Variants in RANBP3L observed in about 807,000 individuals in gnomAD.
RANBP3L encodes RAN binding protein 3 like, also known as ran-binding protein 3-like.
RANBP3L carries 56 observed loss-of-function variants against 67.2 expected under a neutral mutation model. The ratio of observed to expected loss-of-function variants is 0.83; its 90% CI spans 0.67 to 1.04. RANBP3L has a LOEUF of 1.04. RANBP3L is among the 50% of genes least tolerant of loss of function. The pLI is 0.00. For synonymous variants in RANBP3L, 164 were observed against 181.4 expected, an observed-to-expected ratio of 0.90 and a Z score of 0.77; for missense variants, 496 against 535.5, an observed-to-expected ratio of 0.93 and a Z score of 0.73.
chr5:36,274,887 CT>C (rs915667374), intron 1 of RANBP3L, among the ~76,000 whole-genome samples: 12 of 150,562 alleles, frequency 8.0e-5, no homozygotes, highest in East Asian at 3.9e-4. Context: ...GCATCCATGA[CT>C]TTTTTTTTAG....
chr5:36,249,963 T>G (rs1326971484), intron 13 of RANBP3L, among the ~76,000 whole-genome samples: 1 of 151,978 alleles, frequency 6.6e-6, no homozygotes, highest in Non-Finnish European at 1.5e-5. Flanking sequence ...TTTTACTGCC[T>G]CCTGGAGAAG....
At chr5:36,249,782 T>G (rs940125619) in intron 13 of RANBP3L, 85 bp from the exon 14 acceptor site, 1 of 594,706 alleles carries the variant, frequency 1.7e-6, no homozygotes, top group Admixed American at 2.8e-5. Context: ...AACATGAATA[T>G]TAATGAATAT....
chr5:36,297,301 G>A (rs1752289696), intron 1 of RANBP3L, among the ~76,000 whole-genome samples: 1 of 146,690 alleles, frequency 6.8e-6, no homozygotes, highest in African/African-American at 2.4e-5. Context: ...TTCATTTTGA[G>A]TAGGCTGAGG....
Position 36,251,422 on chromosome 5 carries a change from C to T in RANBP3L, c.1245G>A (p.Gln415=). 6.2e-7 allele frequency: 1 copy of T among 1,613,248 alleles called. No homozygotes were observed. The highest frequency in any genetic ancestry group is 8.5e-7 in the Non-Finnish European group (1 of 1,179,440). ...RLVALQSFNK[Q]RDVNQAESLS... ...GGCTTTCAGCTTGATTGACATCTCT[C>T]TGCTTATTGAAGCTTTGAAGTGCAA... The change falls in exon 13 of 14, where the codon CAG becomes CAA. Residue 415 remains glutamine, a synonymous_variant. Transcript: ENST00000296604.
At position 36,265,119 on chromosome 5, in the gene RANBP3L, G is replaced by A. The variant is rs1424622941; in HGVS notation, c.341-21C>T. On this transcript the variant is annotated intron_variant, in intron 5 of 13. Transcript: ENST00000296604. ...AGGACCTTAAAAGAATAGAATTAAA[G>A]GATAAATATATGTTTACTGAAATAT... is the stretch of plus-strand genomic sequence containing the variant. The A allele has an allele frequency of 2.1e-6, 3 of 1,457,442 alleles. No individual in the cohort carries two copies. In the African/African-American group the frequency reaches 4.3e-5, roughly 21 times the overall value. The allele number at this position is 1,457,442 out of a possible 1,614,324, so 90.3% of individuals were successfully genotyped here. A position where few individuals can be genotyped will look rare whatever the true frequency, so the allele number is the denominator to read the frequency against.
chr5:36,286,501 T>C (rs572919788), intron 1 of RANBP3L, among the ~76,000 whole-genome samples: 46 of 152,314 alleles, frequency 3.0e-4, no homozygotes, highest in African/African-American at 1.1e-3. Context: ...GTGTGATCTC[T>C]GCAACTGCAG....
intron 1 of RANBP3L, 120 bp downstream of exon 1, chr5:36,301,206 C>G: frequency 1.4e-6 from 1 of 725,948 alleles, no homozygotes; most frequent in Non-Finnish European, 2.5e-6. Context: ...GTTAACCCAC[C>G]CTTATGCATC....
chr5:36,273,167 G>C (rs1750342846), intron 1 of RANBP3L, among the ~76,000 whole-genome samples: 1 of 152,234 alleles, frequency 6.6e-6, no homozygotes. Context: ...TGAATGTGCA[G>C]TGGAATATTT....
At chr5:36,269,504 T>C (rs1238396747) in intron 3 of RANBP3L, 37 bp from the exon 4 acceptor site, 1 of 1,195,556 alleles carries the variant, frequency 8.4e-7, no homozygotes, top group African/African-American at 1.5e-5. Context: ...AAATTACTTG[T>C]GATAATAAAT....
chr5:36,249,642 A>C lies in RANBP3L; in HGVS notation c.*12T>G. ...CTCTTTTTGTAGATGTCATGTTTAT[A>C]GTAGGTAGTATTCATGAACAGGCAA... is the stretch of plus-strand genomic sequence containing the variant. On this transcript the variant is annotated 3_prime_UTR_variant, in exon 14 of 14. Transcript: ENST00000296604. 6.8e-7 allele frequency: 1 copy of C among 1,479,182 alleles called. No individual in the cohort carries two copies. The allele number at this position is 1,479,182 out of a possible 1,614,324, so 91.6% of individuals were successfully genotyped here. A position where few individuals can be genotyped will look rare whatever the true frequency, so the allele number is the denominator to read the frequency against.
intron 1 of RANBP3L, among the ~76,000 whole-genome samples, chr5:36,299,202 G>C (rs1482265320): frequency 6.6e-6 from 1 of 152,092 alleles, no homozygotes; most frequent in African/African-American, 2.4e-5. Flanking sequence ...GGCTCTCCTT[G>C]CTCCTCAGTT....
chr5:36,252,678 T>C (rs1579668363), intron 12 of RANBP3L, among the ~76,000 whole-genome samples: 1 of 152,204 alleles, frequency 6.6e-6, no homozygotes, highest in South Asian at 2.1e-4. Flanking sequence ...AATCTAGTCA[T>C]GTTTAACAGG....
At chr5:36,300,750 A>G (rs563130943) in intron 1 of RANBP3L, among the ~76,000 whole-genome samples, 30 of 152,176 alleles carry the variant, frequency 2.0e-4, no homozygotes, top group Non-Finnish European at 3.7e-4. Context: ...GAAAATTTAA[A>G]AAGACTGATG....
chr5:36,292,634 C>T (rs1477137398), intron 1 of RANBP3L, among the ~76,000 whole-genome samples: 1 of 151,966 alleles, frequency 6.6e-6, no homozygotes, highest in Non-Finnish European at 1.5e-5. Context: ...GCCAGTTTTC[C>T]CAGCACCATT....
At chr5:36,272,031 GTTAGT>G (rs926581571) in intron 1 of RANBP3L, among the ~76,000 whole-genome samples, 2 of 151,964 alleles carry the variant, frequency 1.3e-5, no homozygotes, top group African/African-American at 2.4e-5. Flanking sequence ...GGGCTCTGAA[GTTAGT>G]TTAGATAGGC....
rs2111559641 is a variant in RANBP3L, at chr5:36,248,147, A to T, written c.*1507T>A. Among the ~76,000 whole-genome samples the T allele has an allele frequency of 6.6e-6, 1 of 152,236 alleles. No homozygotes were observed. Among genetic ancestry groups the T allele is most frequent in the East Asian group, 1.9e-4 (1 of 5,186 alleles). ...CCATTCTTTTTGTCCTTTCTTTCGT[A>T]CTAAATCTCTTTTTCCCCTTCTATC... On this transcript the variant is annotated 3_prime_UTR_variant, in exon 14 of 14. Coordinates refer to ENST00000296604, the MANE Select transcript of RANBP3L (RefSeq NM_145000.5).
At position 36,260,785 on chromosome 5, in the gene RANBP3L, CTCTT is replaced by C. The variant is rs1226770358; in HGVS notation, c.660_663del (p.Arg221PhefsTer34). On this transcript the variant is annotated frameshift_variant, in exon 8 of 14. Transcript: ENST00000296604. LOFTEE classifies it high-confidence loss of function. ...AACATATACCAAAATCTTACCAAAA[CTCTT>C]TCTACCATGTTTTCTCCAAAAACAA... 2.0e-6 allele frequency: 3 copies of C among 1,490,266 alleles called. No individual in the cohort carries two copies. The highest frequency in any genetic ancestry group is 1.2e-5 in the South Asian group (1 of 85,948). 92.3% of individuals were successfully genotyped at this position (1,490,266 alleles called of 1,614,324 possible). A position where few individuals can be genotyped will look rare whatever the true frequency, so the allele number is the denominator to read the frequency against.
chr5:36,280,080 A>G (rs1310787077), intron 1 of RANBP3L, among the ~76,000 whole-genome samples: 1 of 152,178 alleles, frequency 6.6e-6, no homozygotes, highest in African/African-American at 2.4e-5. Context: ...TCATGCTGAT[A>G]ATCTTCAAGG....
chr5:36,283,835 T>C (rs1347411290), intron 1 of RANBP3L, among the ~76,000 whole-genome samples: 1 of 152,222 alleles, frequency 6.6e-6, no homozygotes, highest in East Asian at 1.9e-4. Flanking sequence ...TTTGAAAGTT[T>C]CTCTGAATCT....
Sources: allele counts gnomAD v4.1 joint callset (sites outside exome capture counted in the v4.1 genomes callset), GRCh38; gene constraint gnomAD v4.1.1; transcripts MANE v1.5; gene names NCBI Gene and HGNC (gene_info 2026-07-23, HGNC 2026-07-21).